Variants in ROBO2 observed in about 807,000 individuals in gnomAD.
ROBO2 encodes roundabout homolog 2.
Under a neutral mutation model 160.8 loss-of-function variants are expected in ROBO2, and 53 were observed. That is an observed-to-expected ratio of 0.33 (90% confidence interval 0.26 to 0.41). The LOEUF (loss-of-function observed/expected upper bound fraction) is 0.41, where lower values mean the gene tolerates loss of function less well. ROBO2 is among the 10% of genes least tolerant of loss of function. The probability of loss-of-function intolerance (pLI) is 1.00; values close to 1 mark genes in which losing one functional copy is unlikely to be tolerated. For missense variants in ROBO2, 1,577 were observed against 1,722.4 expected (o/e 0.92, Z 1.49); for synonymous variants, 664 against 611.7 (o/e 1.09, Z -1.26).
At chr3:77,605,069 G>A (rs2094499982) in intron 20 of ROBO2, among the ~76,000 whole-genome samples, 2 of 151,430 alleles carry the variant, frequency 1.3e-5, no homozygotes, top group Admixed American at 6.6e-5. Context: ...GAGAGTCTGG[G>A]GTAGAAGGAT....
At chr3:76,593,069 C>A (rs1449664209) in intron 2 of ROBO2, among the ~76,000 whole-genome samples, 1 of 152,030 alleles carries the variant, frequency 6.6e-6, no homozygotes, top group Non-Finnish European at 1.5e-5. Context: ...ACTAACAAAG[C>A]AGCTGACCAT....
intron 2 of ROBO2, among the ~76,000 whole-genome samples, chr3:77,424,319 G>A (rs1472791368): frequency 6.6e-6 from 1 of 152,156 alleles, no homozygotes; most frequent in Non-Finnish European, 1.5e-5. Flanking sequence ...AGCATTGACA[G>A]AGGAAGACCT....
intron 2 of ROBO2, among the ~76,000 whole-genome samples, chr3:76,139,380 A>G (rs2071548385): frequency 6.6e-6 from 1 of 152,136 alleles, no homozygotes; most frequent in African/African-American, 2.4e-5. Context: ...GGATAGCTAT[A>G]AATAAAAAAG....
intron 2 of ROBO2, among the ~76,000 whole-genome samples, chr3:76,574,197 A>G (rs1191116673): frequency 1.3e-5 from 2 of 152,152 alleles, no homozygotes; most frequent in African/African-American, 4.8e-5. Flanking sequence ...TAAACTGATT[A>G]AAAAGTCAAA....
intron 2 of ROBO2, among the ~76,000 whole-genome samples, chr3:77,201,423 A>G (rs970920827): frequency 2.6e-5 from 4 of 152,238 alleles, no homozygotes; most frequent in African/African-American, 9.6e-5. Context: ...GCACATAATA[A>G]CAATTACAGT....
At chr3:76,579,064 T>C (rs1560180817) in intron 2 of ROBO2, among the ~76,000 whole-genome samples, 1 of 152,110 alleles carries the variant, frequency 6.6e-6, no homozygotes, top group Non-Finnish European at 1.5e-5. Flanking sequence ...CTTACTTCGA[T>C]CATTTTGGAT....
At chr3:76,372,037 G>T (rs1340447138) in intron 2 of ROBO2, among the ~76,000 whole-genome samples, 2 of 151,658 alleles carry the variant, frequency 1.3e-5, no homozygotes, top group Admixed American at 1.3e-4. Flanking sequence ...TAAGTAACTG[G>T]CATCAATTTC....
intron 2 of ROBO2, among the ~76,000 whole-genome samples, chr3:76,910,725 CAAAAAAAAA>C (rs10662303): frequency 1.2e-3 from 41 of 35,526 alleles, no homozygotes; most frequent in African/African-American, 5.1e-3. Flanking sequence ...AACTCTGTCT[CAAAAAAAAA>C]AAAAAAAAAA....
At chr3:76,816,857 G>A (rs1258419140) in intron 2 of ROBO2, among the ~76,000 whole-genome samples, 1 of 151,876 alleles carries the variant, frequency 6.6e-6, no homozygotes, top group African/African-American at 2.4e-5. Context: ...AAAGAAATGT[G>A]GCACATATAC....
At chr3:76,388,424 G>A (rs1049703375) in intron 2 of ROBO2, among the ~76,000 whole-genome samples, 9 of 151,630 alleles carry the variant, frequency 5.9e-5, no homozygotes, top group South Asian at 2.1e-4. Flanking sequence ...GGCACCCGCC[G>A]CCACGCCCGG....
intron 2 of ROBO2, among the ~76,000 whole-genome samples, chr3:76,074,592 T>C (rs1031351139): frequency 6.6e-6 from 1 of 152,088 alleles, no homozygotes; most frequent in South Asian, 2.1e-4. Flanking sequence ...TGATTATGAG[T>C]AAAAAGAAAG....
chr3:76,215,829 G>T (rs577716254), intron 2 of ROBO2, among the ~76,000 whole-genome samples: 10 of 152,146 alleles, frequency 6.6e-5, no homozygotes, highest in Non-Finnish European at 5.9e-5. Context: ...GATAATCCTC[G>T]AGAAGAACAG....
chr3:77,497,009 T>C (rs1013728299), intron 5 of ROBO2, among the ~76,000 whole-genome samples: 2 of 152,124 alleles, frequency 1.3e-5, no homozygotes, highest in Admixed American at 1.3e-4. Context: ...AAGATGAATG[T>C]TTCAGTTTGG....
chr3:76,322,206 T>C (rs1465967240), intron 2 of ROBO2, among the ~76,000 whole-genome samples: 50 of 119,830 alleles, frequency 4.2e-4, no homozygotes, highest in African/African-American at 9.5e-4. Flanking sequence ...ATATATATAA[T>C]ATACACACAC....
intron 2 of ROBO2, among the ~76,000 whole-genome samples, chr3:76,724,313 C>T (rs893641390): frequency 6.6e-6 from 1 of 152,124 alleles, no homozygotes; most frequent in Non-Finnish European, 1.5e-5. Context: ...AACTCTGTCT[C>T]ATATTTTCAA....
chr3:77,454,966 T>G (rs2081474868), intron 2 of ROBO2, among the ~76,000 whole-genome samples: 1 of 152,154 alleles, frequency 6.6e-6, no homozygotes, highest in Non-Finnish European at 1.5e-5. Flanking sequence ...CTCCTGGGTG[T>G]ATAAAAGTGG....
chr3:76,392,790 A>G (rs758698928), intron 2 of ROBO2, among the ~76,000 whole-genome samples: 4 of 152,218 alleles, frequency 2.6e-5, no homozygotes, highest in Non-Finnish European at 4.4e-5. Flanking sequence ...CATTTTATAT[A>G]GGCTGGGATA....
Position 76,411,771 on chromosome 3 carries a change from T to G in ROBO2, c.109+474169T>G, listed in dbSNP as rs561258172. ...TAAGCCTAAAGTGTTTAACTCTTAT[T>G]TCTCTGCAGTGATAATACTGATGAA... On this transcript the variant is annotated intron_variant, in intron 2 of 26. Coordinates refer to the ROBO2 transcript ENST00000487694. Among the ~76,000 whole-genome samples the G allele has an allele frequency of 3.9e-5, 6 of 152,338 alleles. No individual in the cohort carries two copies. The East Asian group carries it at 1.2e-3, about 29-fold the overall frequency.
intron 2 of ROBO2, among the ~76,000 whole-genome samples, chr3:76,948,661 G>T (rs1577732960): frequency 8.5e-6 from 1 of 117,398 alleles, no homozygotes; most frequent in Non-Finnish European, 1.7e-5. Context: ...CTTTTTAGTT[G>T]TACTTAATCT....
Sources: allele counts gnomAD v4.1 joint callset (sites outside exome capture counted in the v4.1 genomes callset), GRCh38; gene constraint gnomAD v4.1.1; transcripts MANE v1.5; gene names NCBI Gene and HGNC (gene_info 2026-07-23, HGNC 2026-07-21).